The following ESR1 variants were observed in gnomAD, a reference collection of about 807,000 sequenced individuals.
ESR1 encodes estrogen receptor 1, also known as estrogen receptor.
A neutral mutation model predicts 52.7 loss-of-function variants in ESR1; 12 were observed. The observed-to-expected ratio is 0.23, with a 90% CI of 0.15 to 0.37. The LOEUF is 0.37. ESR1 is among the 10% of genes least tolerant of loss of function. The pLI is 1.00. For synonymous variants in ESR1, 305 were observed against 316.8 expected, an observed-to-expected ratio of 0.96 and a Z score of 0.39; for missense variants, 584 against 779.7, an observed-to-expected ratio of 0.75 and a Z score of 2.99.
chr6:151,983,915 G>A (rs1388652088), intron 4 of ESR1: 1 of 152,026 alleles, frequency 6.6e-6, no homozygotes, highest in Non-Finnish European at 1.5e-5. Context: ...TCCTCAGAAT[G>A]TTGCTTATTT....
intron 2 of ESR1, among the ~76,000 whole-genome samples, chr6:151,862,134 T>G (rs1788998883): frequency 6.6e-6 from 1 of 152,192 alleles, no homozygotes; most frequent in Admixed American, 6.6e-5. Context: ...TCATCTCATT[T>G]AATCCTCCAT....
intron 1 of ESR1, among the ~76,000 whole-genome samples, chr6:151,674,617 A>G (rs1384257035): frequency 3.3e-5 from 5 of 152,216 alleles, no homozygotes; most frequent in Non-Finnish European, 5.9e-5. Context: ...GTCTTCCACA[A>G]TTGTTGAACT....
At chr6:151,918,115 G>A (rs1275368574) in intron 3 of ESR1, among the ~76,000 whole-genome samples, 3 of 152,152 alleles carry the variant, frequency 2.0e-5, no homozygotes, top group Non-Finnish European at 2.9e-5. Flanking sequence ...CAGTGATGGG[G>A]CAGACATGAG....
intron 2 of ESR1, among the ~76,000 whole-genome samples, chr6:151,798,378 A>G (rs915269486): frequency 5.3e-5 from 8 of 152,162 alleles, no homozygotes; most frequent in African/African-American, 1.9e-4. Context: ...AGAAAAGGGA[A>G]CAAATTTACA....
intron 4 of ESR1, among the ~76,000 whole-genome samples, chr6:151,979,495 AAG>A (rs778693273): frequency 6.6e-6 from 1 of 152,184 alleles, no homozygotes; most frequent in Admixed American, 6.5e-5. Context: ...TCATAATCAT[AAG>A]AGAGTTATGC....
intron 2 of ESR1, among the ~76,000 whole-genome samples, chr6:151,740,825 C>T (rs1343855256): frequency 2.0e-5 from 3 of 152,116 alleles, no homozygotes; most frequent in African/African-American, 7.2e-5. Context: ...TACCTCTTCT[C>T]CTTAAACCCT....
chr6:151,929,596 C>T (rs139704516), intron 3 of ESR1, among the ~76,000 whole-genome samples: 4 of 152,006 alleles, frequency 2.6e-5, no homozygotes, highest in African/African-American at 9.6e-5. Context: ...GCACATTCTG[C>T]ACATGTATCC....
At chr6:151,767,432 T>C (rs1785153613) in intron 2 of ESR1, among the ~76,000 whole-genome samples, 1 of 152,204 alleles carries the variant, frequency 6.6e-6, no homozygotes, top group South Asian at 2.1e-4. Context: ...TTTTAGGTCT[T>C]AGACCCCTTT....
chr6:151,795,263 G>A (rs1344634239), intron 2 of ESR1, among the ~76,000 whole-genome samples: 1 of 151,886 alleles, frequency 6.6e-6, no homozygotes, highest in African/African-American at 2.4e-5. Flanking sequence ...GAGGTGGGGG[G>A]ATCACCTGAG....
chr6:151,801,235 A>G (rs1167168433), upstream of ESR1, among the ~76,000 whole-genome samples: 1 of 152,206 alleles, frequency 6.6e-6, no homozygotes, highest in Non-Finnish European at 1.5e-5. Flanking sequence ...GACACAGTGT[A>G]ACAATAATTG....
chr6:151,952,755 A>G (rs2036460694), intron 4 of ESR1, among the ~76,000 whole-genome samples: 1 of 152,222 alleles, frequency 6.6e-6, no homozygotes, highest in African/African-American at 2.4e-5. Flanking sequence ...AAATGAAAAG[A>G]TGAATAGTCT....
At chr6:151,915,944 A>G (rs2030033477) in intron 3 of ESR1, among the ~76,000 whole-genome samples, 1 of 152,154 alleles carries the variant, frequency 6.6e-6, no homozygotes, top group Non-Finnish European at 1.5e-5. Context: ...AGCAGTATAT[A>G]TTTAGCATTT....
At chr6:151,813,168 T>G (rs1779080118) in intron 1 of ESR1, 1 of 152,094 alleles carries the variant, frequency 6.6e-6, no homozygotes, top group Admixed American at 6.5e-5. Flanking sequence ...TGAAGAAAGT[T>G]TTGCAGTAAT....
In ESR1 at chr6:151,730,243, G is replaced by A. The variant is rs539646469; in HGVS notation, c.-71+28238G>A. Among the ~76,000 whole-genome samples, 88 of 152,054 alleles carry A rather than the reference G, an allele frequency of 5.8e-4. 1 individual carries two copies. The highest frequency in any genetic ancestry group is 3.4e-3 in the Middle Eastern group (1 of 294). ...CTCTCCCTGCTGCCTTCGACCCCCC[G>A]GGGCTGACCATCTGCTGCTCTATCC... On this transcript the variant is annotated intron_variant, in intron 2 of 2. Transcript: ENST00000404742.
chr6:152,003,397 A>T (rs1163371653), intron 4 of ESR1, among the ~76,000 whole-genome samples: 2 of 150,826 alleles, frequency 1.3e-5, no homozygotes, highest in Non-Finnish European at 3.0e-5. Flanking sequence ...TATTTTAATG[A>T]TTTATTTATC....
chr6:152,004,814 C>T (rs993556450), intron 4 of ESR1, among the ~76,000 whole-genome samples: 3 of 151,964 alleles, frequency 2.0e-5, no homozygotes, highest in African/African-American at 7.2e-5. Context: ...ACATAGATAT[C>T]ATGACCTTCA....
chr6:151,701,687 T>G (rs1397354282), intron 1 of ESR1, among the ~76,000 whole-genome samples: 1 of 152,210 alleles, frequency 6.6e-6, no homozygotes, highest in African/African-American at 2.4e-5. Flanking sequence ...TGTAAAATAA[T>G]GTAATCAAGG....
chr6:151,924,625 C>T (rs902370190), intron 3 of ESR1, among the ~76,000 whole-genome samples: 5 of 152,042 alleles, frequency 3.3e-5, no homozygotes, highest in Admixed American at 6.6e-5. Context: ...GTCTCTTGTT[C>T]CCCTCTTTAT....
At chr6:152,037,847 C>T (rs750565297) in intron 5 of ESR1, among the ~76,000 whole-genome samples, 3 of 152,108 alleles carry the variant, frequency 2.0e-5, no homozygotes, top group Non-Finnish European at 4.4e-5. Flanking sequence ...CTTTTTCACT[C>T]CACCATTAAT....
Sources: allele counts gnomAD v4.1 joint callset (sites outside exome capture counted in the v4.1 genomes callset), GRCh38; gene constraint gnomAD v4.1.1; transcripts MANE v1.5; gene names NCBI Gene and HGNC (gene_info 2026-07-23, HGNC 2026-07-21).